CCSER1: variants seen among roughly 807,000 people sequenced by gnomAD.
The protein encoded by CCSER1 is coiled-coil serine rich protein 1.
In CCSER1, 41 loss-of-function variants were observed where a neutral mutation model predicts 82.0. That is an observed-to-expected ratio of 0.50 (90% CI 0.39 to 0.65). CCSER1 has a LOEUF of 0.65. Ranked by LOEUF, CCSER1 falls within the 30% of genes least tolerant of loss-of-function variation. The pLI is 0.00. For missense variants in CCSER1, 1,119 were observed against 1,064.2 expected (o/e 1.05, Z -0.72); for synonymous variants, 414 against 383.9 (o/e 1.08, Z -0.92).
At chr4:90,494,506 T>A (rs1768657868) in intron 5 of CCSER1, among the ~76,000 whole-genome samples, 1 of 152,192 alleles carries the variant, frequency 6.6e-6, no homozygotes, top group South Asian at 2.1e-4. Flanking sequence ...ACTGACTACA[T>A]ATTTGGAAGT....
chr4:90,504,312 A>G (rs889563913), intron 5 of CCSER1, among the ~76,000 whole-genome samples: 2 of 152,224 alleles, frequency 1.3e-5, no homozygotes, highest in Non-Finnish European at 2.9e-5. Flanking sequence ...CACTCTGTAG[A>G]CACAATATAT....
At chr4:91,091,474 G>A (rs943944962) in intron 10 of CCSER1, among the ~76,000 whole-genome samples, 2 of 152,180 alleles carry the variant, frequency 1.3e-5, no homozygotes. Flanking sequence ...CCTGATATAT[G>A]CACTGAAAGC....
chr4:90,781,989 A>G (rs999949214), intron 7 of CCSER1: 46 of 878,994 alleles, frequency 5.2e-5, no homozygotes, highest in Non-Finnish European at 5.7e-5. Context: ...AAAATGAAGA[A>G]CATTTCTATT....
intron 9 of CCSER1, among the ~76,000 whole-genome samples, chr4:91,052,229 A>G (rs1743069842): frequency 6.6e-6 from 1 of 152,060 alleles, no homozygotes; most frequent in Admixed American, 6.6e-5. Context: ...GGCAGAATTG[A>G]TTAAAACACT....
chr4:90,968,653 C>T (rs12233905), intron 9 of CCSER1, among the ~76,000 whole-genome samples: 50,348 of 151,858 alleles, frequency 0.33, 9,567 homozygotes, highest in Middle Eastern at 0.48. Context: ...TGGGAGACCC[C>T]AAGAATCCAT....
At chr4:91,381,870 G>A (rs1259797718) in intron 10 of CCSER1, among the ~76,000 whole-genome samples, 1 of 152,096 alleles carries the variant, frequency 6.6e-6, no homozygotes, top group Non-Finnish European at 1.5e-5. Context: ...CCATCTTCAT[G>A]GTTTTATCTA....
intron 8 of CCSER1, among the ~76,000 whole-genome samples, chr4:90,865,641 A>AT (rs781255702): frequency 2.0e-5 from 3 of 151,862 alleles, no homozygotes; most frequent in Admixed American, 6.6e-5. Flanking sequence ...ATATCCTCCT[A>AT]TTTTTTTGCC....
intron 10 of CCSER1, among the ~76,000 whole-genome samples, chr4:91,257,552 C>CTA (rs34345006): frequency 0.56 from 84,218 of 151,360 alleles, 24,461 homozygotes; most frequent in African/African-American, 0.75. Flanking sequence ...GGGCAACTAA[C>CTA]TGTTTATTCC....
At chr4:90,776,450 C>T (rs1441094068) in intron 7 of CCSER1, among the ~76,000 whole-genome samples, 5 of 152,170 alleles carry the variant, frequency 3.3e-5, no homozygotes, top group Admixed American at 6.5e-5. Flanking sequence ...TTGTTTTGAA[C>T]ACAAATCCTT....
At chr4:90,281,322 G>C (rs150679931) in intron 1 of CCSER1, among the ~76,000 whole-genome samples, 1 of 151,846 alleles carries the variant, frequency 6.6e-6, no homozygotes, top group East Asian at 1.9e-4. Context: ...AGGGTTTTTC[G>C]TAGGGACAGG....
intron 10 of CCSER1, among the ~76,000 whole-genome samples, chr4:91,309,479 A>T (rs1298258305): frequency 6.6e-6 from 1 of 152,042 alleles, no homozygotes; most frequent in Non-Finnish European, 1.5e-5. Flanking sequence ...TAGTATACTG[A>T]TGTTTGCAGA....
chr4:90,292,990 A>G (rs1363142772), intron 1 of CCSER1, among the ~76,000 whole-genome samples: 2 of 151,922 alleles, frequency 1.3e-5, no homozygotes, highest in African/African-American at 4.8e-5. Flanking sequence ...CTATGTTGAT[A>G]TAAGATAGTT....
intron 1 of CCSER1, among the ~76,000 whole-genome samples, chr4:90,273,048 TGTCGTGTGTAGCAACATGGATG>T (rs1016524848): frequency 6.6e-6 from 1 of 151,922 alleles, no homozygotes; most frequent in African/African-American, 2.4e-5. Flanking sequence ...TATGATATCC[TGTCGTGTGTAGCAACATGGATG>T]GAACTGGATG....
chr4:91,474,216 G>T (rs1178704740), intron 10 of CCSER1, among the ~76,000 whole-genome samples: 1 of 151,864 alleles, frequency 6.6e-6, no homozygotes, highest in Non-Finnish European at 1.5e-5. Flanking sequence ...CAAAACCTTT[G>T]TATGTAACAT....
intron 10 of CCSER1, among the ~76,000 whole-genome samples, chr4:91,169,451 T>C (rs981681477): frequency 9.2e-5 from 14 of 152,060 alleles, no homozygotes; most frequent in Admixed American, 3.9e-4. Context: ...CGAAGCCCAT[T>C]CTGTACTAAA....
intron 10 of CCSER1, among the ~76,000 whole-genome samples, chr4:91,565,659 CA>C (rs1762855238): frequency 6.6e-6 from 1 of 151,858 alleles, no homozygotes; most frequent in Non-Finnish European, 1.5e-5. Context: ...CTTTTTGTGG[CA>C]ATTGTGAATG....
At chr4:90,768,682 A>T (rs1751626980) in intron 7 of CCSER1, among the ~76,000 whole-genome samples, 1 of 152,208 alleles carries the variant, frequency 6.6e-6, no homozygotes, top group Admixed American at 6.6e-5. Context: ...AAACTGGAGG[A>T]AAGATAATCC....
At chr4:91,297,391 G>GTGTGTA (rs1560573853) in intron 10 of CCSER1, among the ~76,000 whole-genome samples, 1 of 99,466 alleles carries the variant, frequency 1.0e-5, no homozygotes, top group African/African-American at 3.9e-5. Context: ...GTGTATGTGT[G>GTGTGTA]TGTGTGTGTG....
chr4:90,295,167 A>G (rs910392372), intron 1 of CCSER1, among the ~76,000 whole-genome samples: 4 of 151,936 alleles, frequency 2.6e-5, no homozygotes, highest in African/African-American at 9.7e-5. Flanking sequence ...ATCCCTGTAC[A>G]TGCTTCTTTG....
Sources: allele counts gnomAD v4.1 joint callset (sites outside exome capture counted in the v4.1 genomes callset), GRCh38; gene constraint gnomAD v4.1.1; transcripts MANE v1.5; gene names NCBI Gene and HGNC (gene_info 2026-07-23, HGNC 2026-07-21).